The following MYH9 variants were observed in gnomAD, a reference collection of about 807,000 sequenced individuals.
MYH9 encodes the protein myosin-9.
MYH9 carries 29 observed loss-of-function variants against 241.9 expected under a neutral mutation model. That is an observed-to-expected ratio of 0.12 (90% confidence interval 0.09 to 0.16). The LOEUF (loss-of-function observed/expected upper bound fraction) is 0.16. MYH9 is among the 10% of genes least tolerant of loss of function. The probability of loss-of-function intolerance (pLI) is 1.00; values close to 1 mark genes in which losing one functional copy is unlikely to be tolerated. For synonymous variants in MYH9, 1,047 were observed against 1,062.6 expected (o/e 0.99, Z 0.29); for missense variants, 1,803 against 2,595.5 (o/e 0.69, Z 6.63).
chr22:36,342,801 C>T (rs1003305400), intron 2 of MYH9, among the ~76,000 whole-genome samples: 6 of 152,202 alleles, frequency 3.9e-5, no homozygotes, highest in South Asian at 2.1e-4. Flanking sequence ...CGGGGCTCCA[C>T]GCACCACATC....
chr22:36,360,166 CTAT>C (rs1446621541), intron 1 of MYH9, among the ~76,000 whole-genome samples: 1 of 151,084 alleles, frequency 6.6e-6, no homozygotes, highest in East Asian at 1.9e-4. Flanking sequence ...TGATTCTGAG[CTAT>C]TTAATCCCCA....
intron 3 of MYH9, among the ~76,000 whole-genome samples, chr22:36,340,592 C>T (rs1044046138): frequency 2.0e-5 from 3 of 150,296 alleles, no homozygotes; most frequent in Admixed American, 1.3e-4. Flanking sequence ...GCCTGGGAAG[C>T]GGAGGTTGCA....
rs2016621534 is a variant in MYH9 at position 36,288,222 on chromosome 22, C to T, written c.4932+30G>A. ...GTAGTTGGCTCAGTCGGGTGCCGCCCACCCTCACCTGGGCCCCGCCCACCC... is the reference window on the plus strand; with the variant it reads ...GTAGTTGGCTCAGTCGGGTGCCGCCTACCCTCACCTGGGCCCCGCCCACCC... On this transcript the variant is annotated intron_variant, in intron 34 of 40. Coordinates refer to ENST00000216181, the MANE Select transcript of MYH9 (RefSeq NM_002473.6). The surrounding 1 kb of genome is among the most constrained non-coding windows in gnomAD (Gnocchi z 4.8). The T allele has an allele frequency of 6.2e-7, 1 of 1,612,350 alleles. No homozygotes were observed. The highest frequency in any genetic ancestry group is 8.5e-7 in the Non-Finnish European group (1 of 1,179,850).
At chr22:36,303,757 C>A (rs1219801261) in intron 19 of MYH9, among the ~76,000 whole-genome samples, 1 of 148,568 alleles carries the variant, frequency 6.7e-6, no homozygotes, top group Admixed American at 6.7e-5. Flanking sequence ...AGCACTCCAG[C>A]CTGGGCGACA....
At chr22:36,333,687 T>C (rs2017457110) in intron 3 of MYH9, among the ~76,000 whole-genome samples, 1 of 152,224 alleles carries the variant, frequency 6.6e-6, no homozygotes, top group South Asian at 2.1e-4. Context: ...ACTTTGGTTC[T>C]CAACTGATAA....
At chr22:36,368,627 A>T (rs922327744) in intron 1 of MYH9, among the ~76,000 whole-genome samples, 2 of 151,946 alleles carry the variant, frequency 1.3e-5, no homozygotes, top group Admixed American at 6.6e-5. Context: ...CCTCCAGCAG[A>T]CTCACTTTTA....
At position 36,321,871 on chromosome 22, in the gene MYH9, G is replaced by C. The variant is rs376141229; in HGVS notation, c.706-50C>G. On this transcript the variant is annotated intron_variant, in intron 6 of 40. Coordinates refer to ENST00000216181, the MANE Select transcript of MYH9 (RefSeq NM_002473.6). ...ATCAGAGGTGCCCCTGACATGGGGAGCTAGAGAGCACGGGGGAGACCACAG... is the reference window on the plus strand; with the variant it reads ...ATCAGAGGTGCCCCTGACATGGGGACCTAGAGAGCACGGGGGAGACCACAG... The C allele has an allele frequency of 1.3e-5, 19 of 1,516,914 alleles. 1 individual carries two copies. Among genetic ancestry groups the C allele is most frequent in the Non-Finnish European group, 1.7e-5 (19 of 1,091,668 alleles). The allele number at this position is 1,516,914 out of a possible 1,614,324, so 94.0% of individuals were successfully genotyped here.
rs774015925 is a variant in MYH9 at position 36,285,250 on chromosome 22, C to T, written c.5354G>A (p.Arg1785His). The T allele has an allele frequency of 8.7e-6, 14 of 1,614,146 alleles. No homozygotes were observed. Among genetic ancestry groups the T allele is most frequent in the East Asian group, 6.7e-5 (3 of 44,882 alleles). ...KNENARQQLERQNKELKVKLQ... is the reference protein window; with the variant it reads ...KNENARQQLEHQNKELKVKLQ... ...CTTGACCTTAAGCTCCTTGTTCTGG[C>T]GTTCCAGCTGCTGCCGAGCATTCTC... The change falls in exon 38 of 41, where the codon CGC becomes CAC. Residue 1785 changes from arginine to histidine, a missense_variant. By Grantham distance (29) the Arg-to-His change is conservative (BLOSUM62 0). Coordinates refer to ENST00000216181, the MANE Select transcript of MYH9 (RefSeq NM_002473.6). This position sits in a 1 kb window ranked among gnomAD's most constrained non-coding sequence, Gnocchi z 7.0.
chr22:36,288,148 G>T lies in MYH9; in HGVS notation c.4932+104C>A. 1 of 1,426,634 alleles carries T rather than the reference G, an allele frequency of 7.0e-7. No individual in the cohort carries two copies. The highest frequency in any genetic ancestry group is 9.7e-7 in the Non-Finnish European group (1 of 1,026,178). The allele number at this position is 1,426,634 out of a possible 1,614,324, so 88.4% of individuals were successfully genotyped here. ...AGCACCCAGGACCTTCCCAGGAGGT[G>T]CCACCCTGCCAGGTTCCCGCCCTGG... On this transcript the variant is annotated intron_variant, in intron 34 of 40. Transcript: ENST00000216181. This position sits in a 1 kb window ranked among gnomAD's most constrained non-coding sequence, Gnocchi z 4.8.
At chr22:36,370,351 C>T (rs184317725) in intron 1 of MYH9, among the ~76,000 whole-genome samples, 1 of 152,358 alleles carries the variant, frequency 6.6e-6, no homozygotes, top group East Asian at 1.9e-4. Flanking sequence ...GTGCCACCCA[C>T]ATTCTAGTAT....
At position 36,289,396 on chromosome 22, in the gene MYH9, C is replaced by T. The variant is rs148861854; in HGVS notation, c.4345-99G>A. 70 of 1,158,808 alleles carry T rather than the reference C, an allele frequency of 6.0e-5. No individual in the cohort carries two copies. The African/African-American group carries it at 8.4e-4, about 14-fold the overall frequency. 71.8% of individuals were successfully genotyped at this position (1,158,808 alleles called of 1,614,324 possible). ...CCTGGGGAAGGAGGAGCCCAGAGGC[C>T]ACGGTGGAGAGGAGCAGGCCTAGGA... is the stretch of plus-strand genomic sequence containing the variant. On this transcript the variant is annotated intron_variant, in intron 31 of 40. Transcript: ENST00000216181.
At chr22:36,291,121 C>T (rs1434545084) in intron 31 of MYH9, among the ~76,000 whole-genome samples, 3 of 151,602 alleles carry the variant, frequency 2.0e-5, no homozygotes, top group African/African-American at 4.8e-5. Context: ...TCTGCCCGGC[C>T]GCCCCTACTG....
chr22:36,309,436 G>A (rs753586200), intron 14 of MYH9, 40 bp from the exon 15 acceptor site: 1 of 1,488,822 alleles, frequency 6.7e-7, no homozygotes, highest in Non-Finnish European at 9.4e-7. Flanking sequence ...AGCTGCGCTG[G>A]GGACATGTGT....
intron 1 of MYH9, among the ~76,000 whole-genome samples, chr22:36,355,991 T>C (rs758929572): frequency 6.6e-6 from 1 of 152,210 alleles, no homozygotes; most frequent in Non-Finnish European, 1.5e-5. Flanking sequence ...AGTGTGACCT[T>C]GGGTGAGCCA....
At position 36,314,322 on chromosome 22, in the gene MYH9, C is replaced by T; in HGVS notation, c.1381-4G>A. The T allele has an allele frequency of 1.9e-6, 3 of 1,614,034 alleles. No homozygotes were observed. Among genetic ancestry groups the T allele is most frequent in the East Asian group, 2.2e-5 (1 of 44,886 alleles). On this transcript the variant is annotated splice_polypyrimidine_tract_variant and splice_region_variant and intron_variant, in intron 12 of 40. Transcript: ENST00000216181. ...ACAGCTGCTCAAACGAGTTCAGCTG[C>T]AAGGAGAGAAAACAATGTCAGAGAG...
rs764948348 is a variant in MYH9, at chr22:36,289,294, G to A, written c.4348C>T (p.Leu1450=). The A allele has an allele frequency of 1.1e-5, 18 of 1,608,604 alleles. No individual in the cohort carries two copies. The highest frequency in any genetic ancestry group is 1.4e-5 in the Non-Finnish European group (17 of 1,178,440). ...GCAGAGATGGTCTTCTCCTCCGCCA[G>A]GAGCTGGGAAAGAGGTGGGCACCAT... ...EKKQKKFDQL[L]AEEKTISAKY... Residue 1450 remains leucine, a synonymous_variant, in exon 32 of 41, where the codon CTG becomes TTG. Coordinates refer to ENST00000216181, the MANE Select transcript of MYH9 (RefSeq NM_002473.6).
chr22:36,387,325 C>T (rs2018369716), intron 1 of MYH9, among the ~76,000 whole-genome samples: 1 of 152,250 alleles, frequency 6.6e-6, no homozygotes. Context: ...CTGCCCGTTA[C>T]CTCCGTGCCT....
At chr22:36,322,638 C>A in intron 5 of MYH9, 117 bp from the exon 6 acceptor site, 1 of 1,010,124 alleles carries the variant, frequency 9.9e-7, no homozygotes, top group Non-Finnish European at 1.5e-6. Context: ...GTGCCAGGAA[C>A]AGAGGTTTCC....
intron 1 of MYH9, among the ~76,000 whole-genome samples, chr22:36,350,981 C>T (rs1372095221): frequency 6.6e-6 from 1 of 152,184 alleles, no homozygotes; most frequent in African/African-American, 2.4e-5. Flanking sequence ...GTCCCCAGAT[C>T]CAAACACGGA....
Sources: allele counts gnomAD v4.1 joint callset (sites outside exome capture counted in the v4.1 genomes callset), GRCh38; gene constraint gnomAD v4.1.1; non-coding constraint Gnocchi (gnomAD v3.1); transcripts MANE v1.5; gene names NCBI Gene and HGNC (gene_info 2026-07-23, HGNC 2026-07-21).